Variants in PXK observed in about 807,000 individuals in gnomAD.
The protein encoded by PXK is PX domain containing serine/threonine kinase like.
A neutral mutation model predicts 84.7 loss-of-function variants in PXK; 35 were observed. That is an observed-to-expected ratio of 0.41 (90% CI 0.32 to 0.55). The LOEUF is 0.55. Ranked by LOEUF, PXK falls within the 20% of genes least tolerant of loss-of-function variation. The probability of loss-of-function intolerance (pLI) is 0.21; values close to 1 mark genes in which losing one functional copy is unlikely to be tolerated. For missense variants in PXK, 634 were observed against 699.7 expected (o/e 0.91, Z 1.06); for synonymous variants, 253 against 260.8 (o/e 0.97, Z 0.29).
intron 1 of PXK, among the ~76,000 whole-genome samples, chr3:58,356,033 C>T (rs2098071631): frequency 6.6e-6 from 1 of 152,192 alleles, no homozygotes; most frequent in Admixed American, 6.5e-5. Context: ...GGGTTAGGGG[C>T]TTAGCAAAAT....
chr3:58,393,503 G>C (rs1262497974), intron 7 of PXK, among the ~76,000 whole-genome samples: 2 of 151,552 alleles, frequency 1.3e-5, no homozygotes, highest in Non-Finnish European at 2.9e-5. Context: ...TTTCATTAAT[G>C]GTGTACCATG....
At chr3:58,344,050 A>T (rs1254744170) in intron 1 of PXK, among the ~76,000 whole-genome samples, 2 of 152,176 alleles carry the variant, frequency 1.3e-5, no homozygotes, top group Non-Finnish European at 2.9e-5. Context: ...AATTGGGAAG[A>T]GCGACAATGG....
At chr3:58,334,996 G>A (rs1338149746) in intron 1 of PXK, among the ~76,000 whole-genome samples, 4 of 142,614 alleles carry the variant, frequency 2.8e-5, no homozygotes, top group African/African-American at 5.2e-5. Flanking sequence ...TAGAGACAGC[G>A]TCTCACCATG....
Position 58,337,463 on chromosome 3 carries a change from GT to G in PXK, c.102+4375del, listed in dbSNP as rs150985256. Among the ~76,000 whole-genome samples, 1,262 of 152,120 alleles carry G rather than the reference GT, an allele frequency of 8.3e-3. 8 individuals are homozygous for G. The highest frequency in any genetic ancestry group is 0.014 in the Non-Finnish European group (945 of 67,988). On this transcript the variant is annotated intron_variant, in intron 1 of 17. Coordinates refer to ENST00000356151, the MANE Select transcript of PXK (RefSeq NM_017771.5). ...CCTGCATCCATGGAGCTTTTGTTCT[GT>G]TGGATTCCAAGGTCTTTTTTTTTTC...
chr3:58,423,253 G>C, intron 17 of PXK: 1 of 975,276 alleles, frequency 1.0e-6, no homozygotes, highest in Non-Finnish European at 1.2e-6. Context: ...TTTTATCTCT[G>C]TAACCTGGTG....
Position 58,397,034 on chromosome 3 carries a change from G to A in PXK, c.823-5G>A. 6.2e-7 allele frequency: 1 copy of A among 1,605,572 alleles called. No individual in the cohort carries two copies. The highest frequency in any genetic ancestry group is 8.5e-7 in the Non-Finnish European group (1 of 1,174,296). On this transcript the variant is annotated splice_polypyrimidine_tract_variant and splice_region_variant and intron_variant, in intron 9 of 17. Coordinates refer to ENST00000356151, the MANE Select transcript of PXK (RefSeq NM_017771.5). This position sits in a 1 kb window ranked among gnomAD's most constrained non-coding sequence, Gnocchi z 4.7. ...AAAATGTAACTTTCCCATATGTTTT[G>A]ATAGGTACTGAAGTTTCTTCATGAC...
chr3:58,419,578 TAC>T (rs1266592155), intron 17 of PXK, among the ~76,000 whole-genome samples: 1 of 152,240 alleles, frequency 6.6e-6, no homozygotes, highest in Non-Finnish European at 1.5e-5. Flanking sequence ...GGACAGTTTT[TAC>T]ACAGAAAGGT....
chr3:58,386,383 C>G (rs1169613503), intron 4 of PXK, among the ~76,000 whole-genome samples: 1 of 144,468 alleles, frequency 6.9e-6, no homozygotes, highest in Non-Finnish European at 1.5e-5. Context: ...GCAACCTCAG[C>G]CCCCCAGTTC....
At chr3:58,396,047 C>G (rs1317004986) in intron 9 of PXK, among the ~76,000 whole-genome samples, 1 of 152,108 alleles carries the variant, frequency 6.6e-6, no homozygotes, top group Non-Finnish European at 1.5e-5. Context: ...CTCTTTATCC[C>G]CATGCCAAGG....
intron 4 of PXK, among the ~76,000 whole-genome samples, chr3:58,384,572 T>C (rs558026103): frequency 1.8e-4 from 28 of 152,302 alleles, no homozygotes; most frequent in African/African-American, 6.5e-4. Context: ...AGTAGCATCT[T>C]TTGTGGCTTT....
chr3:58,391,935 A>G, intron 7 of PXK, 88 bp downstream of exon 7: 1 of 1,225,612 alleles, frequency 8.2e-7, no homozygotes, highest in South Asian at 1.2e-5. Context: ...AAGCTGGAAA[A>G]CAGAATGGGG....
intron 1 of PXK, among the ~76,000 whole-genome samples, chr3:58,348,941 T>C (rs1012963527): frequency 1.1e-4 from 17 of 151,214 alleles, no homozygotes; most frequent in African/African-American, 3.2e-4. Flanking sequence ...TGTTTTGCAT[T>C]CCTCTTGTCA....
rs1291667137 is a variant in PXK at position 58,422,868 on chromosome 3, C to CT, written c.1529-1882dup. ...GTACCGCCGCAGCCGAGAGCCTGTC[C>CT]TTAACTGCACAGTGATTCTTCTGCC... On this transcript the variant is annotated intron_variant, in intron 17 of 17. Transcript: ENST00000356151. The CT allele has an allele frequency of 6.1e-6, 6 of 985,432 alleles. No homozygotes were observed. In the African/African-American group the frequency reaches 1.0e-4, roughly 17 times the overall value. The allele number at this position is 985,432 out of a possible 1,614,324, so 61.0% of individuals were successfully genotyped here.
At chr3:58,388,968 T>C (rs1320504169) in intron 4 of PXK, among the ~76,000 whole-genome samples, 2 of 151,996 alleles carry the variant, frequency 1.3e-5, no homozygotes, top group Non-Finnish European at 2.9e-5. Context: ...GCTGTTTGCT[T>C]TCAGGGATCT....
chr3:58,342,634 C>CAAAAAAAAAAA (rs71091369), intron 1 of PXK, among the ~76,000 whole-genome samples: 25 of 113,396 alleles, frequency 2.2e-4, no homozygotes, highest in South Asian at 5.9e-4. Context: ...GACTCTGTCT[C>CAAAAAAAAAAA]AAAAAAAAAA....
Position 58,421,802 on chromosome 3 carries a change from T to C in PXK, c.1529-2950T>C. The C allele has an allele frequency of 1.0e-6, 1 of 985,394 alleles. No individual in the cohort carries two copies. Among genetic ancestry groups the C allele is most frequent in the Non-Finnish European group, 1.2e-6 (1 of 829,932 alleles). The allele number at this position is 985,394 out of a possible 1,614,324, so 61.0% of individuals were successfully genotyped here. On this transcript the variant is annotated intron_variant, in intron 17 of 17. Coordinates refer to ENST00000356151, the MANE Select transcript of PXK (RefSeq NM_017771.5). The surrounding 1 kb of genome is among the most constrained non-coding windows in gnomAD (Gnocchi z 5.5). Reference sequence around the variant, plus strand: ...GTAGTTGGCTCTCAGGGATTTTGTCTAAGAGAAAGTGAGATGGGAGAAATC... The same window carrying C: ...GTAGTTGGCTCTCAGGGATTTTGTCCAAGAGAAAGTGAGATGGGAGAAATC...
chr3:58,348,628 A>G (rs1217391828), intron 1 of PXK, among the ~76,000 whole-genome samples: 3 of 152,124 alleles, frequency 2.0e-5, no homozygotes, highest in South Asian at 4.1e-4. Context: ...AATTATTACT[A>G]TGTTAGGTGC....
Position 58,409,501 on chromosome 3 carries a change from G to T in PXK, c.1309-31G>T. 6.3e-7 allele frequency: 1 copy of T among 1,582,010 alleles called. No individual in the cohort carries two copies. Among genetic ancestry groups the T allele is most frequent in the Non-Finnish European group, 8.7e-7 (1 of 1,154,426 alleles). On this transcript the variant is annotated intron_variant, in intron 14 of 17. Transcript: ENST00000356151. The surrounding 1 kb of genome is among the most constrained non-coding windows in gnomAD (Gnocchi z 4.2). Reference sequence around the variant, plus strand: ...TTTCATTAGGAAGCTGCCTTATGTGGGATATGCTTACATCTTATGGTCTTT... The same window carrying T: ...TTTCATTAGGAAGCTGCCTTATGTGTGATATGCTTACATCTTATGGTCTTT...
intron 1 of PXK, among the ~76,000 whole-genome samples, chr3:58,336,071 A>ATATATATATATATTTT (rs1284780630): frequency 9.7e-5 from 5 of 51,578 alleles, no homozygotes; most frequent in Middle Eastern, 0.014. Flanking sequence ...ATATATATAT[A>ATATATATATATATTTT]TTTTTTTTTT....
Sources: allele counts gnomAD v4.1 joint callset (sites outside exome capture counted in the v4.1 genomes callset), GRCh38; gene constraint gnomAD v4.1.1; non-coding constraint Gnocchi (gnomAD v3.1); transcripts MANE v1.5; gene names NCBI Gene and HGNC (gene_info 2026-07-23, HGNC 2026-07-21).